Variants in KCTD20 observed in about 807,000 individuals in gnomAD.
The protein encoded by KCTD20 is potassium channel tetramerization domain containing 20, also known as BTB/POZ domain-containing protein KCTD20.
In KCTD20, 30 loss-of-function variants were observed where a neutral mutation model predicts 39.6. The ratio of observed to expected loss-of-function variants is 0.76; its 90% CI spans 0.57 to 1.03. The LOEUF (loss-of-function observed/expected upper bound fraction) is 1.03. Among genes scored for constraint, KCTD20 ranks in the 50% least tolerant of loss-of-function variants. The probability of loss-of-function intolerance (pLI) is 0.00; values close to 1 mark genes in which losing one functional copy is unlikely to be tolerated. For synonymous variants in KCTD20, 162 were observed against 180.6 expected, an observed-to-expected ratio of 0.90 and a Z score of 0.83; for missense variants, 422 against 522.0, an observed-to-expected ratio of 0.81 and a Z score of 1.87.
intron 3 of KCTD20, among the ~76,000 whole-genome samples, chr6:36,477,302 T>C (rs1010025489): frequency 6.6e-6 from 1 of 152,022 alleles, no homozygotes; most frequent in East Asian, 1.9e-4. Flanking sequence ...TGATAATAAA[T>C]GGGGGGATTA....
At chr6:36,449,728 A>G (rs970935414) in intron 1 of KCTD20, among the ~76,000 whole-genome samples, 1 of 152,168 alleles carries the variant, frequency 6.6e-6, no homozygotes, top group East Asian at 1.9e-4. Context: ...GACTCCAGAC[A>G]TATTGGATTA....
At chr6:36,471,851 T>C in intron 2 of KCTD20, among the ~76,000 whole-genome samples, 1 of 138,380 alleles carries the variant, frequency 7.2e-6, no homozygotes, top group African/African-American at 2.7e-5. Context: ...TATCTATTTC[T>C]TTTTTTTTTT....
intron 1 of KCTD20, among the ~76,000 whole-genome samples, chr6:36,459,031 C>T (rs940348671): frequency 4.6e-5 from 7 of 152,008 alleles, no homozygotes; most frequent in Non-Finnish European, 1.0e-4. Context: ...GATGGCTGGG[C>T]ACCGTGGCCC....
chr6:36,478,094 C>CAAAAAA (rs1301151019), intron 3 of KCTD20, among the ~76,000 whole-genome samples: 1 of 87,672 alleles, frequency 1.1e-5, no homozygotes, highest in Non-Finnish European at 2.2e-5. Context: ...AACTCCATCT[C>CAAAAAA]AAAAAAAAAA....
intron 1 of KCTD20, among the ~76,000 whole-genome samples, chr6:36,450,594 T>G (rs1370459723): frequency 2.6e-5 from 4 of 152,180 alleles, no homozygotes. Flanking sequence ...TTCACGTGAC[T>G]GGCTTTACCT....
At position 36,479,194 on chromosome 6, in the gene KCTD20, A is replaced by G; in HGVS notation, c.508A>G (p.Ile170Val). Reference sequence around the variant, plus strand: ...GGGAGAGTATGAGATTGCTGAAGGCATCAGTGCAACTGTATTTCGCACAGT... The same window carrying G: ...GGGAGAGTATGAGATTGCTGAAGGCGTCAGTGCAACTGTATTTCGCACAGT... The part of the protein sequence containing the change: ...EKGEYEIAEG[I>V]SATVFRTVLD... The change falls in exon 4 of 8, where the codon ATC (isoleucine) becomes GTC (valine). Residue 170 changes from isoleucine to valine, a missense_variant. Physicochemically the swap from Ile to Val is conservative, Grantham distance 29. Coordinates refer to ENST00000373731, the MANE Select transcript of KCTD20 (RefSeq NM_173562.5). 6.2e-7 allele frequency: 1 copy of G among 1,614,036 alleles called. No homozygotes were observed. Among genetic ancestry groups the G allele is most frequent in the South Asian group, 1.1e-5 (1 of 91,086 alleles).
chr6:36,458,047 T>TA (rs1319492559), intron 1 of KCTD20, among the ~76,000 whole-genome samples: 4 of 151,966 alleles, frequency 2.6e-5, no homozygotes, highest in Non-Finnish European at 5.9e-5. Flanking sequence ...GTAAGGGCAT[T>TA]AAAAAAATCT....
At chr6:36,448,013 G>GTATATATATATATATA (rs10645937) in intron 1 of KCTD20, among the ~76,000 whole-genome samples, 215 of 128,884 alleles carry the variant, frequency 1.7e-3, no homozygotes, top group Admixed American at 3.1e-3. Flanking sequence ...GTATGTGTGT[G>GTATATATATATATATA]TGTATATATA....
intron 2 of KCTD20, among the ~76,000 whole-genome samples, chr6:36,472,435 A>G (rs1417195237): frequency 2.0e-5 from 3 of 152,212 alleles, no homozygotes; most frequent in Non-Finnish European, 4.4e-5. Flanking sequence ...GAGTGTAGGA[A>G]ATCAGACTAA....
At position 36,479,589 on chromosome 6, in the gene KCTD20, AG is replaced by A; in HGVS notation, c.538del. The A allele has an allele frequency of 1.9e-6, 3 of 1,603,626 alleles. No homozygotes were observed. Among genetic ancestry groups the A allele is most frequent in the Non-Finnish European group, 2.5e-6 (3 of 1,177,342 alleles). ...CATTTTTTCTTCCTAATCTATTTACAGGATTATTACAAAACCGGTATCATCA... is the reference window on the plus strand; with the variant it reads ...CATTTTTTCTTCCTAATCTATTTACAGATTATTACAAAACCGGTATCATCA... On this transcript the variant is annotated splice_acceptor_variant, in intron 4 of 7. Coordinates refer to ENST00000373731, the MANE Select transcript of KCTD20 (RefSeq NM_173562.5). LOFTEE classifies it high-confidence loss of function.
intron 3 of KCTD20, among the ~76,000 whole-genome samples, chr6:36,475,632 A>T (rs1011671557): frequency 4.6e-5 from 7 of 152,168 alleles, no homozygotes; most frequent in Admixed American, 4.6e-4. Context: ...CTATGAAAAA[A>T]TAACCTGCTA....
intron 1 of KCTD20, chr6:36,450,844 T>C (rs970217276): frequency 1.1e-4 from 16 of 152,364 alleles, no homozygotes; most frequent in African/African-American, 3.8e-4. Context: ...CTGATTAAAC[T>C]TTAAAAATTT....
At chr6:36,468,978 T>C (rs1486126301) in intron 1 of KCTD20, among the ~76,000 whole-genome samples, 2 of 152,222 alleles carry the variant, frequency 1.3e-5, no homozygotes, top group South Asian at 4.1e-4. Flanking sequence ...TAATATATGT[T>C]ATGAAGGGAT....
chr6:36,462,187 A>G (rs1775620787), intron 1 of KCTD20, among the ~76,000 whole-genome samples: 1 of 152,124 alleles, frequency 6.6e-6, no homozygotes, highest in African/African-American at 2.4e-5. Flanking sequence ...GTGGAGTATG[A>G]TGATAACAAC....
At chr6:36,468,812 T>C (rs1775833040) in intron 1 of KCTD20, among the ~76,000 whole-genome samples, 1 of 152,252 alleles carries the variant, frequency 6.6e-6, no homozygotes, top group African/African-American at 2.4e-5. Context: ...AGCCATTGTC[T>C]GAGAAAGATT....
chr6:36,482,623 A>G (rs1198314009), intron 6 of KCTD20, among the ~76,000 whole-genome samples: 1 of 150,390 alleles, frequency 6.6e-6, no homozygotes, highest in Admixed American at 6.7e-5. Context: ...CAAATGTGCC[A>G]TAATTGACTT....
intron 7 of KCTD20, among the ~76,000 whole-genome samples, chr6:36,486,452 G>GT (rs1776427084): frequency 6.6e-6 from 1 of 151,950 alleles, no homozygotes; most frequent in Non-Finnish European, 1.5e-5. Flanking sequence ...CAGCATCTCT[G>GT]TTTTTTCTTT....
At chr6:36,461,790 A>G (rs1775610295) in intron 1 of KCTD20, among the ~76,000 whole-genome samples, 1 of 152,156 alleles carries the variant, frequency 6.6e-6, no homozygotes, top group Non-Finnish European at 1.5e-5. Flanking sequence ...GAGACAGGAA[A>G]ATTTATCCAA....
At chr6:36,467,395 A>G (rs1206965085) in intron 1 of KCTD20, among the ~76,000 whole-genome samples, 6 of 103,660 alleles carry the variant, frequency 5.8e-5, no homozygotes, top group South Asian at 7.9e-4. Flanking sequence ...CTGGAGTGCA[A>G]TGGCGCCATC....
Sources: gnomAD v4.1 joint callset for allele counts (sites outside exome capture counted in the v4.1 genomes callset) on GRCh38, gnomAD v4.1.1 for gene constraint, MANE v1.5 for transcripts, NCBI Gene and HGNC (gene_info 2026-07-23, HGNC 2026-07-21) for gene names.